The following MGAT4C variants were observed in gnomAD, a reference collection of about 807,000 sequenced individuals.
MGAT4C encodes the protein alpha-1,3-mannosyl-glycoprotein 4-beta-N-acetylglucosaminyltransferase C.
A neutral mutation model predicts 40.1 loss-of-function variants in MGAT4C; 19 were observed. The observed-to-expected ratio is 0.47, with a 90% CI of 0.33 to 0.70. The LOEUF (loss-of-function observed/expected upper bound fraction) is 0.70, where lower values mean the gene tolerates loss of function less well. Among genes scored for constraint, MGAT4C ranks in the 30% least tolerant of loss-of-function variants. The pLI, the probability that MGAT4C is intolerant of heterozygous loss-of-function variation, is 0.02. For missense variants in MGAT4C, 491 were observed against 563.2 expected (o/e 0.87, Z 1.30); for synonymous variants, 181 against 187.1 (o/e 0.97, Z 0.27).
chr12:86,359,756 T>C (rs1655375209), intron 3 of MGAT4C, among the ~76,000 whole-genome samples: 1 of 152,130 alleles, frequency 6.6e-6, no homozygotes, highest in South Asian at 2.1e-4. Flanking sequence ...CCTGGACACA[T>C]ACACCCTCCC....
intron 1 of MGAT4C, among the ~76,000 whole-genome samples, chr12:86,175,074 CA>C (rs1887255284): frequency 6.6e-6 from 1 of 152,024 alleles, no homozygotes; most frequent in African/African-American, 2.4e-5. Flanking sequence ...ATAGAATTGC[CA>C]TGTATAGCAT....
At chr12:86,544,531 T>A (rs1959183343) in intron 2 of MGAT4C, among the ~76,000 whole-genome samples, 1 of 152,138 alleles carries the variant, frequency 6.6e-6, no homozygotes, top group Non-Finnish European at 1.5e-5. Context: ...TCAAAGGAAT[T>A]TGTTGATTAA....
intron 1 of MGAT4C, among the ~76,000 whole-genome samples, chr12:86,774,475 C>A (rs1352415195): frequency 6.7e-6 from 1 of 149,318 alleles, no homozygotes; most frequent in Non-Finnish European, 1.5e-5. Flanking sequence ...GAAAGGAAAT[C>A]AGTTCATACG....
At chr12:86,055,507 T>C (rs567541037) in intron 1 of MGAT4C, among the ~76,000 whole-genome samples, 1 of 152,002 alleles carries the variant, frequency 6.6e-6, no homozygotes, top group Non-Finnish European at 1.5e-5. Flanking sequence ...ATAAGTGATG[T>C]TGAGGATGAT....
intron 4 of MGAT4C, among the ~76,000 whole-genome samples, chr12:86,281,046 A>T (rs1229373764): frequency 6.6e-6 from 1 of 151,678 alleles, no homozygotes; most frequent in East Asian, 1.9e-4. Flanking sequence ...TTGTCTTGTA[A>T]GTTTTGTGTT....
At chr12:86,820,378 T>C (rs1483171211) in intron 1 of MGAT4C, among the ~76,000 whole-genome samples, 3 of 150,824 alleles carry the variant, frequency 2.0e-5, no homozygotes, top group Non-Finnish European at 4.5e-5. Flanking sequence ...ATAACATTTC[T>C]ACAACAAGGA....
intron 1 of MGAT4C, among the ~76,000 whole-genome samples, chr12:86,230,865 C>T (rs1292269705): frequency 2.3e-5 from 2 of 85,280 alleles, no homozygotes; most frequent in African/African-American, 9.1e-5. Flanking sequence ...ACTTCAAACA[C>T]TCCCTTTTTT....
chr12:86,501,216 T>C (rs546449249), intron 2 of MGAT4C, among the ~76,000 whole-genome samples: 33 of 152,136 alleles, frequency 2.2e-4, no homozygotes, highest in African/African-American at 7.7e-4. Flanking sequence ...AAAAAATATA[T>C]TAAAAAGAGA....
At chr12:86,220,116 T>G (rs1593269043) in intron 1 of MGAT4C, among the ~76,000 whole-genome samples, 1 of 152,112 alleles carries the variant, frequency 6.6e-6, no homozygotes, top group Admixed American at 6.6e-5. Flanking sequence ...TTGTCTTAAC[T>G]GAAGAGAACC....
At chr12:86,447,706 T>C (rs1250022620) in intron 2 of MGAT4C, among the ~76,000 whole-genome samples, 24 of 152,222 alleles carry the variant, frequency 1.6e-4, no homozygotes, top group Admixed American at 1.6e-3. Context: ...AGCCATCCAA[T>C]ATATAGACCA....
intron 4 of MGAT4C, among the ~76,000 whole-genome samples, chr12:86,322,087 G>A (rs1433930854): frequency 6.6e-6 from 1 of 151,894 alleles, no homozygotes; most frequent in Non-Finnish European, 1.5e-5. Context: ...CATGGATGAA[G>A]ATGGAAACCA....
chr12:86,633,681 T>C lies in MGAT4C; in HGVS notation c.-229+93528A>G, dbSNP rs115728866. On this transcript the variant is annotated intron_variant, in intron 2 of 7. Transcript: ENST00000548651. ...GTTGCATTTAAAATATTTAATTTGA[T>C]CCCTAAAACTGAAATAGTTGTTGCC... Among the ~76,000 whole-genome samples, 607 of 152,242 alleles carry C rather than the reference T, an allele frequency of 4.0e-3. 3 individuals are homozygous for C. The highest frequency in any genetic ancestry group is 0.014 in the African/African-American group (592 of 41,564).
chr12:86,667,779 C>T (rs1221268190), intron 2 of MGAT4C, among the ~76,000 whole-genome samples: 1 of 152,242 alleles, frequency 6.6e-6, no homozygotes, highest in East Asian at 1.9e-4. Context: ...GTGTAAAAGT[C>T]TTTCTTAGTT....
At chr12:86,183,908 ATAT>A (rs1188491922) in intron 1 of MGAT4C, among the ~76,000 whole-genome samples, 8 of 152,160 alleles carry the variant, frequency 5.3e-5, no homozygotes, top group Non-Finnish European at 1.0e-4. Context: ...GGGCTTCAAC[ATAT>A]TATTTGGGGG....
At chr12:86,363,274 C>G (rs923070416) in intron 3 of MGAT4C, among the ~76,000 whole-genome samples, 11 of 151,880 alleles carry the variant, frequency 7.2e-5, no homozygotes, top group Non-Finnish European at 1.6e-4. Context: ...ACATAACAGA[C>G]TTAAATTTAG....
rs542680627 is a variant in MGAT4C, at chr12:86,163,612, A to G, written c.-57+92627T>C. On this transcript the variant is annotated intron_variant, in intron 1 of 4. Coordinates refer to ENST00000611864, the MANE Select transcript of MGAT4C (RefSeq NM_001351288.2). ...TTTTGTTGAAGTATTGAATAAATCC[A>G]TGTTATCACTAGATCAGTCTTTTAA... Among the ~76,000 whole-genome samples the G allele has an allele frequency of 4.6e-5, 7 of 152,346 alleles. No individual in the cohort carries two copies. In the South Asian group the frequency reaches 1.4e-3, roughly 32 times the overall value.
At chr12:86,313,020 G>A (rs1164089010) in intron 4 of MGAT4C, among the ~76,000 whole-genome samples, 2 of 152,062 alleles carry the variant, frequency 1.3e-5, no homozygotes, top group Non-Finnish European at 2.9e-5. Context: ...TGCATAAAAT[G>A]GAGCTCTATA....
intron 2 of MGAT4C, among the ~76,000 whole-genome samples, chr12:86,023,612 A>G (rs989014738): frequency 2.0e-5 from 1 of 51,278 alleles, no homozygotes; most frequent in Non-Finnish European, 5.0e-5. Flanking sequence ...TTACGTAATC[A>G]TATGTTTATA....
chr12:86,703,745 T>C (rs1273586518), intron 2 of MGAT4C, among the ~76,000 whole-genome samples: 1 of 151,190 alleles, frequency 6.6e-6, no homozygotes, highest in African/African-American at 2.5e-5. Flanking sequence ...ACCCACATTA[T>C]CTCCTATGTA....
Sources: gnomAD v4.1 joint callset for allele counts (sites outside exome capture counted in the v4.1 genomes callset) on GRCh38, gnomAD v4.1.1 for gene constraint, MANE v1.5 for transcripts, NCBI Gene and HGNC (gene_info 2026-07-23, HGNC 2026-07-21) for gene names.